Variants in PCDHA7 observed in about 807,000 individuals in gnomAD.
PCDHA7 encodes the protein protocadherin alpha-7.
A neutral mutation model predicts 57.2 loss-of-function variants in PCDHA7; 37 were observed. The observed-to-expected ratio is 0.65, with a 90% CI of 0.50 to 0.85. The LOEUF (loss-of-function observed/expected upper bound fraction) is 0.85. Ranked by LOEUF, PCDHA7 falls within the 40% of genes least tolerant of loss-of-function variation. The pLI is 0.00. For missense variants in PCDHA7, 1,188 were observed against 1,241.8 expected (o/e 0.96, Z 0.65); for synonymous variants, 553 against 558.8 (o/e 0.99, Z 0.15).
At chr5:140,838,076 T>G (rs13170073) in intron 1 of PCDHA7, among the ~76,000 whole-genome samples, 582 of 31,102 alleles carry the variant, frequency 0.019, 3 homozygotes, top group Middle Eastern at 0.08. Flanking sequence ...TATATATATA[T>G]AGTGTGTGTG....
At chr5:140,965,239 G>C (rs7722865) in intron 1 of PCDHA7, among the ~76,000 whole-genome samples, 9,112 of 152,230 alleles carry the variant, frequency 0.06, 825 homozygotes, top group African/African-American at 0.2. Context: ...CCTGGGAAGA[G>C]TGAATATTCA....
Position 141,010,319 on chromosome 5 carries a change from C to G in PCDHA7, c.*382C>G. The G allele has an allele frequency of 6.5e-7, 1 of 1,545,436 alleles. No individual in the cohort carries two copies. Among genetic ancestry groups the G allele is most frequent in the South Asian group, 1.2e-5 (1 of 83,248 alleles). On this transcript the variant is annotated 3_prime_UTR_variant, in exon 4 of 4. Coordinates refer to ENST00000525929, the MANE Select transcript of PCDHA7 (RefSeq NM_018910.3). ...CAGGCTGAAAAGTTTTGAGATTGAG[C>G]AGCTTGGGAGTTTGTGGCCACTGGG...
At chr5:140,870,657 G>T (rs782619046) in intron 1 of PCDHA7, 1 of 1,612,514 alleles carries the variant, frequency 6.2e-7, no homozygotes, top group Non-Finnish European at 8.5e-7. Context: ...AGGTGTACGC[G>T]CTGCAGCCGT....
chr5:140,903,524 A>T (rs2070355065), intron 1 of PCDHA7, among the ~76,000 whole-genome samples: 1 of 152,156 alleles, frequency 6.6e-6, no homozygotes, highest in Non-Finnish European at 1.5e-5. Flanking sequence ...TGTGTTGTTC[A>T]CTTTAAACTA....
chr5:140,841,237 C>T (rs1428420937), intron 1 of PCDHA7: 16 of 1,479,782 alleles, frequency 1.1e-5, no homozygotes, highest in Middle Eastern at 2.0e-4. Context: ...GGAGATGCAG[C>T]GGAATTGGAT....
At chr5:140,872,797 C>T (rs2153276720) in intron 1 of PCDHA7, among the ~76,000 whole-genome samples, 1 of 152,196 alleles carries the variant, frequency 6.6e-6, no homozygotes, top group South Asian at 2.1e-4. Flanking sequence ...AGTTGGCATT[C>T]TTCCATAAGT....
At chr5:140,936,347 G>A (rs2090928614) in intron 1 of PCDHA7, among the ~76,000 whole-genome samples, 1 of 152,066 alleles carries the variant, frequency 6.6e-6, no homozygotes, top group South Asian at 2.1e-4. Flanking sequence ...CTGCATATAT[G>A]GAATGTGTAG....
At chr5:140,989,105 T>A (rs550881823) in intron 3 of PCDHA7, 1 of 152,350 alleles carries the variant, frequency 6.6e-6, no homozygotes, top group Non-Finnish European at 1.5e-5. Context: ...GAAACAACTT[T>A]TGAATATATC....
intron 1 of PCDHA7, among the ~76,000 whole-genome samples, chr5:140,902,520 T>C (rs1350068201): frequency 6.6e-6 from 1 of 152,116 alleles, no homozygotes; most frequent in Non-Finnish European, 1.5e-5. Context: ...TATATGGTTT[T>C]TATTATGTTG....
In PCDHA7 at chr5:140,961,136, G is replaced by A. The variant is rs1474839905; in HGVS notation, c.2356-17813G>A. On this transcript the variant is annotated intron_variant, in intron 1 of 3. Coordinates refer to ENST00000525929, the MANE Select transcript of PCDHA7 (RefSeq NM_018910.3). ...TGCATCTTAATGTCTTGGCACTTAA[G>A]AGTTGGCATATTATTTCAGTACATA... is the stretch of plus-strand genomic sequence containing the variant. Among the ~76,000 whole-genome samples the A allele has an allele frequency of 3.9e-5, 6 of 152,270 alleles. No homozygotes were observed. The East Asian group carries it at 1.2e-3, about 29-fold the overall frequency.
intron 1 of PCDHA7, among the ~76,000 whole-genome samples, chr5:140,942,869 T>C (rs971576222): frequency 6.6e-6 from 1 of 152,088 alleles, no homozygotes; most frequent in African/African-American, 2.4e-5. Context: ...TGCTTTAGCA[T>C]GACAACTTTT....
chr5:140,882,299 C>T (rs781797969), intron 1 of PCDHA7: 33 of 1,613,690 alleles, frequency 2.0e-5, no homozygotes, highest in Non-Finnish European at 2.7e-5. Flanking sequence ...AGGCCCAAGA[C>T]CGCGGCAACT....
intron 1 of PCDHA7, among the ~76,000 whole-genome samples, chr5:140,936,344 T>C (rs1403940424): frequency 6.6e-6 from 1 of 152,224 alleles, no homozygotes; most frequent in Non-Finnish European, 1.5e-5. Context: ...TATCTGCATA[T>C]ATGGAATGTG....
At chr5:140,861,768 T>TACAA (rs2047071882) in intron 1 of PCDHA7, 1 of 158,832 alleles carries the variant, frequency 6.3e-6, no homozygotes, top group Non-Finnish European at 1.4e-5. Flanking sequence ...TCCCTGGAAA[T>TACAA]ACCAAGAGCA....
At chr5:140,870,142 C>T (rs782428763) in intron 1 of PCDHA7, 3 of 1,613,946 alleles carry the variant, frequency 1.9e-6, no homozygotes, top group South Asian at 1.1e-5. Flanking sequence ...CGATAACTCT[C>T]CTGAAGTCGC....
At chr5:140,850,233 A>G in intron 1 of PCDHA7, 1 of 1,593,908 alleles carries the variant, frequency 6.3e-7, no homozygotes, top group Non-Finnish European at 8.6e-7. Context: ...AGTGAGCGAG[A>G]TGGTGCTGCG....
intron 1 of PCDHA7, chr5:140,877,326 G>A: frequency 1.9e-6 from 3 of 1,613,964 alleles, no homozygotes. Flanking sequence ...CGGTCGGCGC[G>A]CACATCCCGT....
chr5:140,926,683 C>A, intron 1 of PCDHA7: 3 of 669,314 alleles, frequency 4.5e-6, no homozygotes, highest in Non-Finnish European at 6.7e-6. Context: ...AGCCTCCAGC[C>A]TAGCAAGCCC....
At chr5:140,940,110 T>C (rs2092554073) in intron 1 of PCDHA7, among the ~76,000 whole-genome samples, 1 of 152,240 alleles carries the variant, frequency 6.6e-6, no homozygotes, top group Admixed American at 6.5e-5. Context: ...CGTTATGTAT[T>C]ATTTACCTCT....
Sources: allele counts gnomAD v4.1 joint callset (sites outside exome capture counted in the v4.1 genomes callset), GRCh38; gene constraint gnomAD v4.1.1; transcripts MANE v1.5; gene names NCBI Gene and HGNC (gene_info 2026-07-23, HGNC 2026-07-21).